CASKIN2: variants seen among roughly 807,000 people sequenced by gnomAD.
CASKIN2 encodes CASK interacting protein 2, also known as caskin-2.
CASKIN2 carries 41 observed loss-of-function variants against 107.1 expected under a neutral mutation model. The observed-to-expected ratio is 0.38, with a 90% CI of 0.30 to 0.50. The LOEUF is 0.50. Among genes scored for constraint, CASKIN2 ranks in the 20% least tolerant of loss-of-function variants. The probability of loss-of-function intolerance (pLI) is 0.92; values close to 1 mark genes in which losing one functional copy is unlikely to be tolerated. For synonymous variants in CASKIN2, 724 were observed against 705.6 expected (o/e 1.03, Z -0.41); for missense variants, 1,546 against 1,657.4 (o/e 0.93, Z 1.17).
intron 2 of CASKIN2, chr17:75,509,505 A>G (rs2053299181): frequency 1.1e-6 from 1 of 911,608 alleles, no homozygotes; most frequent in Non-Finnish European, 1.3e-6. Context: ...ACTGAAGGAC[A>G]CTGTGCCACA....
chr17:75,506,444 G>A lies in CASKIN2; in HGVS notation c.618-31C>T. 1 of 1,596,432 alleles carries A rather than the reference G, an allele frequency of 6.3e-7. No individual in the cohort carries two copies. The highest frequency in any genetic ancestry group is 8.5e-7 in the Non-Finnish European group (1 of 1,171,852). On this transcript the variant is annotated intron_variant, in intron 7 of 19. Transcript: ENST00000321617. This position sits in a 1 kb window ranked among gnomAD's most constrained non-coding sequence, Gnocchi z 4.8. The stretch of plus-strand genomic sequence containing the variant: ...GTGGACGGGGGGAGTCACGGGGGAG[G>A]TGGCGTAGGAGGGGGTGCTGACTGC...
rs767227310 is a variant in CASKIN2, at chr17:75,502,148, C to A, written c.2926G>T (p.Val976Leu). ...AGGTTGAAATCGAGGCCGGGGGGCACGGGTGTCTCTCGGGGCGGGGGGCCA... is the reference window on the plus strand; with the variant it reads ...AGGTTGAAATCGAGGCCGGGGGGCAAGGGTGTCTCTCGGGGCGGGGGGCCA... The part of the protein sequence containing the change: ...PAGPPPRETP[V>L]PPGLDFNLTE... Residue 976 changes from valine (V) to leucine (L), a missense_variant, in exon 18 of 20, where the codon GTG becomes TTG. Physicochemically the swap from Val to Leu is conservative, Grantham distance 32. Around this residue, in one of 6 missense-constraint regions of CASKIN2, gnomAD observed 1,311 missense variants for 1,311.0 expected, o/e 1.00. Transcript: ENST00000321617. This position sits in a 1 kb window ranked among gnomAD's most constrained non-coding sequence, Gnocchi z 4.3. The A allele has an allele frequency of 1.2e-6, 2 of 1,601,834 alleles. No individual in the cohort carries two copies. Among genetic ancestry groups the A allele is most frequent in the African/African-American group, 2.7e-5 (2 of 74,480 alleles).
Position 75,505,017 on chromosome 17 carries a change from C to A in CASKIN2, c.987G>T (p.Arg329Ser). Residue 329 changes from arginine (R) to serine (S), a missense_variant, in exon 11 of 20, where the codon AGG becomes AGT. Coordinates refer to ENST00000321617, the MANE Select transcript of CASKIN2 (RefSeq NM_020753.5). This position sits in a 1 kb window ranked among gnomAD's most constrained non-coding sequence, Gnocchi z 5.1. ...RWKGHIHESQ[R>S]GTDRIGYFPP... ...GGAAGTAGCCTATGCGGTCTGTGCC[C>A]CTCTGGCTCTCGTGGATGTGGCCCT... The A allele has an allele frequency of 6.2e-7, 1 of 1,612,262 alleles. No individual in the cohort carries two copies. The highest frequency in any genetic ancestry group is 8.5e-7 in the Non-Finnish European group (1 of 1,179,816).
At chr17:75,507,232 C>A in intron 4 of CASKIN2, 103 bp from the exon 5 acceptor site, 1 of 1,310,778 alleles carries the variant, frequency 7.6e-7, no homozygotes, top group Non-Finnish European at 1.0e-6. Flanking sequence ...GGGCAGAGAG[C>A]CCACGGGGAT....
rs2053198889 is a variant in CASKIN2, at chr17:75,502,042, A to G, written c.3032T>C (p.Val1011Ala). Residue 1011 changes from valine to alanine, a missense_variant, in exon 18 of 20, where the codon GTG becomes GCG. This residue lies in a region of CASKIN2 where 1,311 missense variants were observed against 1,311.0 expected (regional missense o/e 1.00). Coordinates refer to ENST00000321617, the MANE Select transcript of CASKIN2 (RefSeq NM_020753.5). This position sits in a 1 kb window ranked among gnomAD's most constrained non-coding sequence, Gnocchi z 4.3. ...AGCGGGGCCAGGCGTGGCACTGGCC[A>G]CTCCGAAGGCCAGCAGTGCGGTCTG... ...PLQTALLAFG[V>A]ASATPGPAAP... 6.2e-7 allele frequency: 1 copy of G among 1,612,106 alleles called. No homozygotes were observed. The highest frequency in any genetic ancestry group is 1.1e-5 in the South Asian group (1 of 91,070).
rs199928186 is a variant in CASKIN2 at position 75,502,247 on chromosome 17, G to A, written c.2827C>T (p.Arg943Trp). 1.6e-4 allele frequency: 248 copies of A among 1,561,126 alleles called. No individual in the cohort carries two copies. The highest frequency in any genetic ancestry group is 1.7e-4 in the Middle Eastern group (1 of 5,860). Residue 943 changes from arginine (R) to tryptophan (W), a missense_variant, in exon 18 of 20, where the codon CGG becomes TGG. By Grantham distance (101) the Arg-to-Trp change is moderately radical (BLOSUM62 -3). Coordinates refer to ENST00000321617, the MANE Select transcript of CASKIN2 (RefSeq NM_020753.5). The surrounding 1 kb of genome is among the most constrained non-coding windows in gnomAD (Gnocchi z 4.3). ...GGCAGCCCTTCCCCAGAGCTGCCCCGAGATGGGGGCGTCCCCTCAGGGCCT... is the reference window on the plus strand; with the variant it reads ...GGCAGCCCTTCCCCAGAGCTGCCCCAAGATGGGGGCGTCCCCTCAGGGCCT... ...EPGPEGTPPS[R>W]GSSGEGLPFA...
Position 75,505,237 on chromosome 17 carries a change from C to T in CASKIN2, c.931-164G>A. ...CTGGCCCAAGTTCCGCCCCTGCTGC[C>T]AGCAGCCAGCTCAATCTCCCCTGTG... On this transcript the variant is annotated intron_variant, in intron 10 of 19. Transcript: ENST00000321617. This position sits in a 1 kb window ranked among gnomAD's most constrained non-coding sequence, Gnocchi z 5.1. 1.3e-6 allele frequency: 1 copy of T among 786,892 alleles called. No individual in the cohort carries two copies. Among genetic ancestry groups the T allele is most frequent in the Non-Finnish European group, 2.0e-6 (1 of 492,630 alleles). The allele number at this position is 786,892 out of a possible 1,614,324, so 48.7% of individuals were successfully genotyped here.
At chr17:75,510,076 C>T (rs777615797) in intron 2 of CASKIN2, among the ~76,000 whole-genome samples, 7 of 152,190 alleles carry the variant, frequency 4.6e-5, no homozygotes, top group African/African-American at 1.2e-4. Context: ...ACCTTCTTCC[C>T]GGGCCTGGCG....
Position 75,501,468 on chromosome 17 carries a change from C to T in CASKIN2, c.3518G>A (p.Gly1173Asp), listed in dbSNP as rs1458244272. 5.0e-6 allele frequency: 8 copies of T among 1,605,450 alleles called. No individual in the cohort carries two copies. The African/African-American group carries it at 9.4e-5, about 19-fold the overall frequency. Residue 1173 changes from glycine to aspartate, a missense_variant and splice_region_variant, in exon 19 of 20, where the codon GGC (glycine) becomes GAC (aspartate). Physicochemically the swap from Gly to Asp is moderately conservative, Grantham distance 94. This residue lies in a region of CASKIN2 where 1,311 missense variants were observed against 1,311.0 expected (regional missense o/e 1.00). Transcript: ENST00000321617. The stretch of plus-strand genomic sequence containing the variant: ...TCCCTCCCCATCCGGCCCCCCTCAC[C>T]CCTCTTGCTCCTTGGTGCCAATGCT... ...EKSIGTKEQE[G>D]TPSASTKHIL...
At position 75,505,640 on chromosome 17, in the gene CASKIN2, T is replaced by C; in HGVS notation, c.847A>G (p.Ile283Val). The C allele has an allele frequency of 6.2e-7, 1 of 1,613,070 alleles. No individual in the cohort carries two copies. Among genetic ancestry groups the C allele is most frequent in the Non-Finnish European group, 8.5e-7 (1 of 1,179,882 alleles). The change falls in exon 10 of 20, where the codon ATC (isoleucine) becomes GTC (valine). Residue 283 changes from isoleucine to valine, a missense_variant. Physicochemically the swap from Ile to Val is conservative, Grantham distance 29. Around this residue, in one of 6 missense-constraint regions of CASKIN2, gnomAD observed 1,311 missense variants for 1,311.0 expected, o/e 1.00. Coordinates refer to ENST00000321617, the MANE Select transcript of CASKIN2 (RefSeq NM_020753.5). This position sits in a 1 kb window ranked among gnomAD's most constrained non-coding sequence, Gnocchi z 5.1. ...IKQLLREASG[I>V]LKVRALKDFW... ...TCCTTGAGCGCTCGGACCTTCAGGATCCCTGAGGCCTCTAAGAAAACGGGG... is the reference window on the plus strand; with the variant it reads ...TCCTTGAGCGCTCGGACCTTCAGGACCCCTGAGGCCTCTAAGAAAACGGGG...
In CASKIN2 at chr17:75,506,286, A is replaced by G; in HGVS notation, c.726+19T>C. 6.3e-7 allele frequency: 1 copy of G among 1,586,740 alleles called. No individual in the cohort carries two copies. The highest frequency in any genetic ancestry group is 1.3e-5 in the African/African-American group (1 of 74,574). On this transcript the variant is annotated intron_variant, in intron 8 of 19. Coordinates refer to ENST00000321617, the MANE Select transcript of CASKIN2 (RefSeq NM_020753.5). The surrounding 1 kb of genome is among the most constrained non-coding windows in gnomAD (Gnocchi z 4.8). ...GAGGCTCCATGGACACCTGCGAGGG[A>G]GCAGGGGCCCATACCCACCTCCAGA...
In CASKIN2 at chr17:75,506,452, G is replaced by A; in HGVS notation, c.618-39C>T. ...GGGGAGTCACGGGGGAGGTGGCGTAGGAGGGGGTGCTGACTGCTGGGGGCC... is the reference window on the plus strand; with the variant it reads ...GGGGAGTCACGGGGGAGGTGGCGTAAGAGGGGGTGCTGACTGCTGGGGGCC... On this transcript the variant is annotated intron_variant, in intron 7 of 19. Coordinates refer to ENST00000321617, the MANE Select transcript of CASKIN2 (RefSeq NM_020753.5). This position sits in a 1 kb window ranked among gnomAD's most constrained non-coding sequence, Gnocchi z 4.8. The A allele has an allele frequency of 5.7e-6, 9 of 1,592,506 alleles. No individual in the cohort carries two copies. The highest frequency in any genetic ancestry group is 7.7e-6 in the Non-Finnish European group (9 of 1,169,202).
Position 75,501,097 on chromosome 17 carries a change from C to G in CASKIN2, c.3592G>C (p.Asp1198His). The G allele has an allele frequency of 6.3e-7, 1 of 1,580,586 alleles. No homozygotes were observed. Among genetic ancestry groups the G allele is most frequent in the Non-Finnish European group, 8.6e-7 (1 of 1,163,314 alleles). ...TMFDALADQL[D>H]AMLD ...TGGAGGGCTCAGTCCAGCATGGCGT[C>G]CAGCTGGTCAGCCAGGGCGTCGAAC... Residue 1198 changes from aspartate to histidine, a missense_variant, in exon 20 of 20, where the codon GAC (aspartate) becomes CAC (histidine). Physicochemically the swap from Asp to His is moderately conservative, Grantham distance 81 (BLOSUM62 -1). Around this residue, in one of 6 missense-constraint regions of CASKIN2, gnomAD observed 1,311 missense variants for 1,311.0 expected, o/e 1.00. Transcript: ENST00000321617.
rs972782766 is a variant in CASKIN2, at chr17:75,504,138, C to A, written c.1467+77G>T. Reference sequence around the variant, plus strand: ...ACCCCGTGGAGGTCACACCTTCCCCCCCGAGGCCCACGGTGCACCCCGTGG... The same window carrying A: ...ACCCCGTGGAGGTCACACCTTCCCCACCGAGGCCCACGGTGCACCCCGTGG... On this transcript the variant is annotated intron_variant, in intron 14 of 19. Transcript: ENST00000321617. 3 of 1,429,030 alleles carry A rather than the reference C, an allele frequency of 2.1e-6. No homozygotes were observed. Among genetic ancestry groups the A allele is most frequent in the East Asian group, 2.5e-5 (1 of 40,002 alleles). 88.5% of individuals were successfully genotyped at this position (1,429,030 alleles called of 1,614,324 possible). A position where few individuals can be genotyped will look rare whatever the true frequency, so the allele number is the denominator to read the frequency against.
At chr17:75,501,758 C>A in intron 18 of CASKIN2, 21 bp downstream of exon 18, 1 of 1,528,472 alleles carries the variant, frequency 6.5e-7, no homozygotes, top group South Asian at 1.3e-5. Flanking sequence ...CAGTGACTCT[C>A]CCACAGGCCT....
chr17:75,510,452 T>C (rs1005522052), intron 2 of CASKIN2, among the ~76,000 whole-genome samples: 1 of 152,104 alleles, frequency 6.6e-6, no homozygotes, highest in African/African-American at 2.4e-5. Flanking sequence ...CTTCTTACGA[T>C]ATGGAGCAAG....
intron 11 of CASKIN2, 30 bp from the exon 12 acceptor site, chr17:75,504,723 G>C: frequency 1.3e-6 from 2 of 1,579,190 alleles, no homozygotes; most frequent in Non-Finnish European, 8.6e-7. Context: ...AGGGGTCAGA[G>C]TCCCAAGTGT....
rs776547708 is a variant in CASKIN2 at position 75,502,657 on chromosome 17, G to A, written c.2417C>T (p.Pro806Leu). The A allele has an allele frequency of 4.4e-6, 7 of 1,604,232 alleles. No individual in the cohort carries two copies. The East Asian group carries it at 1.1e-4, about 26-fold the overall frequency. ...CTCCCCCTCAGCATCCCCCTCTGTG[G>A]GGCCAGGGCGGCTTAGGCTGTGGGA... Reference protein sequence around the residue: ...RRSHSLSRPGPTEGDAEGEAE... With the variant: ...RRSHSLSRPGLTEGDAEGEAE... Residue 806 changes from proline (P) to leucine (L), a missense_variant, in exon 18 of 20, where the codon CCC (proline) becomes CTC (leucine). Coordinates refer to ENST00000321617, the MANE Select transcript of CASKIN2 (RefSeq NM_020753.5). This position sits in a 1 kb window ranked among gnomAD's most constrained non-coding sequence, Gnocchi z 4.3.
Position 75,503,640 on chromosome 17 carries a change from G to C in CASKIN2, c.1680+19C>G, listed in dbSNP as rs376200294. 1 of 1,610,158 alleles carries C rather than the reference G, an allele frequency of 6.2e-7. No individual in the cohort carries two copies. The highest frequency in any genetic ancestry group is 8.5e-7 in the Non-Finnish European group (1 of 1,179,830). On this transcript the variant is annotated intron_variant, in intron 16 of 19. Transcript: ENST00000321617. ...GTGACAGCACGTGCCCCACTCCCCAGCCACCCTTGATGGCTCACTGGGATG... is the reference window on the plus strand; with the variant it reads ...GTGACAGCACGTGCCCCACTCCCCACCCACCCTTGATGGCTCACTGGGATG...
Sources: gnomAD v4.1 joint callset for allele counts (sites outside exome capture counted in the v4.1 genomes callset) on GRCh38, gnomAD v4.1.1 for gene constraint, gnomAD v4.1.1 regional missense constraint, Gnocchi (gnomAD v3.1) non-coding constraint, MANE v1.5 for transcripts, NCBI Gene and HGNC (gene_info 2026-07-23, HGNC 2026-07-21) for gene names.